C11orf16: variants seen among roughly 807,000 people sequenced by gnomAD.
C11orf16 encodes the protein uncharacterized protein C11orf16.
In C11orf16, 38 loss-of-function variants were observed where a neutral mutation model predicts 45.1. The ratio of observed to expected loss-of-function variants is 0.84; its 90% CI spans 0.65 to 1.10. The LOEUF (loss-of-function observed/expected upper bound fraction) is 1.10. Ranked by LOEUF, C11orf16 falls within the 50% of genes least tolerant of loss-of-function variation. The pLI is 0.00. For missense variants in C11orf16, 583 were observed against 569.5 expected, an observed-to-expected ratio of 1.02 and a Z score of -0.24; for synonymous variants, 221 against 222.0, an observed-to-expected ratio of 1.00 and a Z score of 0.04.
At chr11:8,921,578 T>C in intron 5 of C11orf16, 63 bp from the exon 6 acceptor site, 7 of 1,398,138 alleles carry the variant, frequency 5.0e-6, no homozygotes, top group Non-Finnish European at 7.1e-6. Flanking sequence ...TAAGTAGAAC[T>C]AAAACAAGGA....
intron 2 of C11orf16, among the ~76,000 whole-genome samples, chr11:8,929,940 G>A (rs1250101035): frequency 1.3e-5 from 2 of 151,466 alleles, no homozygotes; most frequent in African/African-American, 4.9e-5. Flanking sequence ...GCAACATGGT[G>A]AAATCCCATC....
chr11:8,932,121 C>G, intron 2 of C11orf16, 21 bp downstream of exon 2: 15 of 1,551,168 alleles, frequency 9.7e-6, no homozygotes, highest in Non-Finnish European at 1.3e-5. Context: ...CCACTTCCCC[C>G]AGAGGGGCAG....
In C11orf16 at chr11:8,920,461, G is replaced by A; in HGVS notation, c.*23-11C>T. ...ATGTTTATTCTTTACCTATAAAAGG[G>A]GGAAAAATTCCATACATTGTTATGC... On this transcript the variant is annotated splice_polypyrimidine_tract_variant and intron_variant, in intron 6 of 6. Transcript: ENST00000326053. 1 of 669,266 alleles carries A rather than the reference G, an allele frequency of 1.5e-6. No homozygotes were observed. 41.5% of individuals were successfully genotyped at this position (669,266 alleles called of 1,614,324 possible).
In C11orf16 at chr11:8,927,147, C is replaced by G. The variant is rs1300653091; in HGVS notation, c.352G>C (p.Glu118Gln). The G allele has an allele frequency of 5.0e-6, 8 of 1,613,874 alleles. No homozygotes were observed. The highest frequency in any genetic ancestry group is 6.8e-6 in the Non-Finnish European group (8 of 1,179,982). Residue 118 changes from glutamate to glutamine, a missense_variant, in exon 4 of 7, where the codon GAA becomes CAA. Glu to Gln is a conservative substitution (Grantham distance 29, BLOSUM62 2). Coordinates refer to ENST00000326053, the MANE Select transcript of C11orf16 (RefSeq NM_020643.3). ...ELERQGVLLVEFEAPLVAGPK... is the reference protein window; with the variant it reads ...ELERQGVLLVQFEAPLVAGPK... ...CCTGCGACAAGAGGAGCCTCGAATT[C>G]CACAAGCAGGACCCCCTGTCTCTCC...
chr11:8,923,262 A>G (rs962600677), intron 5 of C11orf16, among the ~76,000 whole-genome samples: 3 of 152,174 alleles, frequency 2.0e-5, no homozygotes, highest in African/African-American at 4.8e-5. Context: ...AGAGTTTGCT[A>G]TGGAGCAAGT....
intron 4 of C11orf16, among the ~76,000 whole-genome samples, 168 bp downstream of exon 4, chr11:8,926,772 G>A (rs1233128071): frequency 6.6e-6 from 1 of 152,046 alleles, no homozygotes; most frequent in Non-Finnish European, 1.5e-5. Flanking sequence ...TGTGCATCTT[G>A]AGGCATCTGT....
At chr11:8,929,562 T>C (rs2064637467) in intron 2 of C11orf16, 29 bp from the exon 3 acceptor site, 2 of 1,592,706 alleles carry the variant, frequency 1.3e-6, no homozygotes, top group East Asian at 2.2e-5. Flanking sequence ...AATTAGTGGA[T>C]AGAGAGCAAC....
Position 8,929,534 on chromosome 11 carries a change from C to A in C11orf16, c.168-1G>T, listed in dbSNP as rs1298878505. The A allele has an allele frequency of 6.2e-7, 1 of 1,608,698 alleles. No homozygotes were observed. Among genetic ancestry groups the A allele is most frequent in the Admixed American group, 1.7e-5 (1 of 58,674 alleles). On this transcript the variant is annotated splice_acceptor_variant, in intron 2 of 6. Coordinates refer to ENST00000326053, the MANE Select transcript of C11orf16 (RefSeq NM_020643.3). LOFTEE classifies it high-confidence loss of function. ...GAGACATGGGCAAGAAGAGGCATGC[C>A]TGGAAAAAAGCAAATGGAATTAGTG...
intron 4 of C11orf16, among the ~76,000 whole-genome samples, chr11:8,926,433 C>T (rs2064614109): frequency 6.6e-6 from 1 of 152,112 alleles, no homozygotes; most frequent in Non-Finnish European, 1.5e-5. Context: ...GAGAGCCTGC[C>T]AGGAACATCC....
intron 5 of C11orf16, among the ~76,000 whole-genome samples, chr11:8,921,940 C>G (rs1366452141): frequency 6.6e-6 from 1 of 152,184 alleles, no homozygotes; most frequent in Non-Finnish European, 1.5e-5. Context: ...TACACCTGGC[C>G]TGTTTTCTTT....
chr11:8,932,714 A>T (rs2064658065), intron 1 of C11orf16, among the ~76,000 whole-genome samples, 187 bp downstream of exon 1: 1 of 151,990 alleles, frequency 6.6e-6, no homozygotes, highest in Non-Finnish European at 1.5e-5. Context: ...CTCCCCGGCC[A>T]CCTACAAGGC....
At chr11:8,926,158 T>G (rs2064610937) in intron 4 of C11orf16, 51 bp from the exon 5 acceptor site, 1 of 1,444,278 alleles carries the variant, frequency 6.9e-7, no homozygotes, top group Admixed American at 2.3e-5. Context: ...ATTATCTCCT[T>G]TTTTTTCTTT....
At chr11:8,923,321 A>G (rs1304350578) in intron 5 of C11orf16, among the ~76,000 whole-genome samples, 1 of 152,152 alleles carries the variant, frequency 6.6e-6, no homozygotes, top group African/African-American at 2.4e-5. Context: ...TCTGGCCTCC[A>G]TGGCCCCTCT....
chr11:8,922,971 C>A (rs1037444035), intron 5 of C11orf16, among the ~76,000 whole-genome samples: 1 of 152,198 alleles, frequency 6.6e-6, no homozygotes, highest in Non-Finnish European at 1.5e-5. Flanking sequence ...ACTGATGATG[C>A]TCATGGGTCA....
intron 2 of C11orf16, 142 bp downstream of exon 2, chr11:8,932,000 T>A: frequency 2.3e-6 from 2 of 887,244 alleles, no homozygotes; most frequent in Non-Finnish European, 3.3e-6. Context: ...CACACAGATA[T>A]GCCAATCATA....
At position 8,932,126 on chromosome 11, in the gene C11orf16, G is replaced by A. The variant is rs1323163629; in HGVS notation, c.167+16C>T. On this transcript the variant is annotated intron_variant, in intron 2 of 6. Coordinates refer to ENST00000326053, the MANE Select transcript of C11orf16 (RefSeq NM_020643.3). Reference sequence around the variant, plus strand: ...AAAAGGGCATCCACTTCCCCCAGAGGGGCAGAGACAGGTACCTTGCAAGGG... The same window carrying A: ...AAAAGGGCATCCACTTCCCCCAGAGAGGCAGAGACAGGTACCTTGCAAGGG... 1 of 1,558,178 alleles carries A rather than the reference G, an allele frequency of 6.4e-7. No homozygotes were observed.
chr11:8,931,136 T>C (rs1344601262), intron 2 of C11orf16, among the ~76,000 whole-genome samples: 1 of 151,884 alleles, frequency 6.6e-6, no homozygotes, highest in Non-Finnish European at 1.5e-5. Flanking sequence ...AAAGGAGGGG[T>C]ACCGAGGGAA....
chr11:8,930,585 G>A (rs527957814), intron 2 of C11orf16, among the ~76,000 whole-genome samples: 1 of 152,172 alleles, frequency 6.6e-6, no homozygotes, highest in East Asian at 1.9e-4. Flanking sequence ...GAAGTGTTTG[G>A]GCAGGGACAA....
chr11:8,930,917 T>C (rs1453921020), intron 2 of C11orf16, among the ~76,000 whole-genome samples: 1 of 152,114 alleles, frequency 6.6e-6, no homozygotes, highest in Non-Finnish European at 1.5e-5. Context: ...TTGAACAGGA[T>C]GGTCCACCGG....
Sources: allele counts gnomAD v4.1 joint callset (sites outside exome capture counted in the v4.1 genomes callset), GRCh38; gene constraint gnomAD v4.1.1; transcripts MANE v1.5; gene names NCBI Gene and HGNC (gene_info 2026-07-23, HGNC 2026-07-21).